Variants in NLGN4X observed in about 807,000 individuals in gnomAD.
The protein encoded by NLGN4X is neuroligin-4, X-linked.
In NLGN4X, 3 loss-of-function variants were observed where a neutral mutation model predicts 40.3. That is an observed-to-expected ratio of 0.07 (90% CI 0.03 to 0.19). The LOEUF is 0.19. Among genes scored for constraint, NLGN4X ranks in the 10% least tolerant of loss-of-function variants. NLGN4X has a pLI of 1.00. For synonymous variants in NLGN4X, 270 were observed against 306.8 expected (o/e 0.88, Z 1.25); for missense variants, 382 against 708.3 (o/e 0.54, Z 5.23).
intron 1 of NLGN4X, among the ~76,000 whole-genome samples, chrX:6,168,155 T>G (rs1038456323): frequency 1.8e-5 from 2 of 112,103 alleles, no homozygotes; most frequent in Non-Finnish European, 1.9e-5. Context: ...TTCCCCCACG[T>G]TTAATTATCC....
At chrX:5,905,334 C>T (rs967304885) in intron 4 of NLGN4X, among the ~76,000 whole-genome samples, 2 of 111,888 alleles carry the variant, frequency 1.8e-5, no homozygotes, top group Non-Finnish European at 3.8e-5. Context: ...ACTTTAAACA[C>T]AACTCACCTT....
At chrX:5,966,693 G>C (rs920254612) in intron 3 of NLGN4X, among the ~76,000 whole-genome samples, 1 of 112,040 alleles carries the variant, frequency 8.9e-6, no homozygotes, top group African/African-American at 3.2e-5. Flanking sequence ...AATCTTGAGG[G>C]AGATACAAGC....
chrX:6,024,593 G>A (rs779951416), intron 3 of NLGN4X, among the ~76,000 whole-genome samples: 42 of 110,353 alleles, frequency 3.8e-4, no homozygotes, highest in African/African-American at 1.4e-3. Context: ...AAAAACAGCC[G>A]AAACCCACCA....
In NLGN4X at chrX:6,011,736, T is replaced by G. The variant is rs185348696; in HGVS notation, c.625+17544A>C. Among the ~76,000 whole-genome samples, 46 of 111,418 alleles carry G rather than the reference T, an allele frequency of 4.1e-4. 1 individual carries two copies. The Admixed American group carries it at 4.2e-3, about 10-fold the overall frequency. ...ACCATCTTCTGGAGAACACCTGACT[T>G]GTTTGAACGTTATGTAATCGTTACT... On this transcript the variant is annotated intron_variant, in intron 3 of 5. Coordinates refer to ENST00000381095, the MANE Select transcript of NLGN4X (RefSeq NM_181332.3).
At chrX:6,205,201 T>TAA (rs1266771834) in intron 1 of NLGN4X, among the ~76,000 whole-genome samples, 6 of 112,374 alleles carry the variant, frequency 5.3e-5, no homozygotes, top group African/African-American at 1.9e-4. Flanking sequence ...TCTCATATTC[T>TAA]CCTAGCCCCA....
rs529573810 is a variant in NLGN4X at position 5,968,457 on chromosome X, CTGTGTGTG to C, written c.626-59226_626-59219del. 3.3e-3 allele frequency among the ~76,000 whole-genome samples: 154 copies of C among 47,016 alleles called. 6 individuals are homozygous for C. The highest frequency in any genetic ancestry group is 0.029 in the Middle Eastern group (3 of 102). 40.8% of individuals were successfully genotyped at this position (47,016 alleles called of 115,157 possible). Reference sequence around the variant, plus strand: ...AGTACCCCTCTCTCTCTCTCTCTCTCTGTGTGTGTGTGTGTGTGTGTGTGTGTGTGTGT... The same window carrying C: ...AGTACCCCTCTCTCTCTCTCTCTCTCTGTGTGTGTGTGTGTGTGTGTGTGT... On this transcript the variant is annotated intron_variant, in intron 3 of 5. Transcript: ENST00000381095.
chrX:6,159,683 G>A (rs1051656614), intron 1 of NLGN4X, among the ~76,000 whole-genome samples: 2 of 111,483 alleles, frequency 1.8e-5, no homozygotes, highest in African/African-American at 3.3e-5. Context: ...AAGTGCCCTC[G>A]CCATCAACTC....
At chrX:6,093,433 G>A (rs1399319596) in intron 2 of NLGN4X, among the ~76,000 whole-genome samples, 1 of 111,979 alleles carries the variant, frequency 8.9e-6, no homozygotes, top group Non-Finnish European at 1.9e-5. Context: ...ACAACTGCAA[G>A]CTTTTCTTGA....
At chrX:6,012,215 T>C (rs1181591004) in intron 3 of NLGN4X, among the ~76,000 whole-genome samples, 2 of 112,606 alleles carry the variant, frequency 1.8e-5, no homozygotes, top group Non-Finnish European at 3.7e-5. Flanking sequence ...AAGTGTGAAA[T>C]ATAGCTTTGC....
chrX:6,155,626 C>T (rs761823060), intron 1 of NLGN4X, among the ~76,000 whole-genome samples: 7 of 111,906 alleles, frequency 6.3e-5, no homozygotes, highest in Non-Finnish European at 1.3e-4. Context: ...CACCAGCAAT[C>T]TGCCACTTTG....
intron 1 of NLGN4X, among the ~76,000 whole-genome samples, chrX:6,193,448 C>T (rs1922754326): frequency 1.9e-5 from 2 of 103,842 alleles, no homozygotes; most frequent in South Asian, 4.3e-4. Context: ...TCCCTGGAAA[C>T]CTACTTGATT....
At chrX:6,218,906 A>T (rs1381368755) in intron 1 of NLGN4X, among the ~76,000 whole-genome samples, 2 of 107,999 alleles carry the variant, frequency 1.9e-5, no homozygotes, top group Non-Finnish European at 3.8e-5. Flanking sequence ...TCAGGATATA[A>T]TTGAAGAGAG....
chrX:5,934,043 TTCCCCCATGAACCCAACTTCC>T (rs2033651254), intron 3 of NLGN4X, among the ~76,000 whole-genome samples: 1 of 111,687 alleles, frequency 9.0e-6, no homozygotes, highest in Non-Finnish European at 1.9e-5. Flanking sequence ...TTGACCAAAA[TTCCCCCATGAACCCAACTTCC>T]AGTCCCTGAC....
intron 2 of NLGN4X, among the ~76,000 whole-genome samples, chrX:6,128,401 T>C (rs1054221396): frequency 1.8e-5 from 2 of 111,927 alleles, no homozygotes; most frequent in Non-Finnish European, 3.8e-5. Flanking sequence ...AAAAACGATA[T>C]GATGAAAATG....
chrX:5,953,161 G>A (rs1195111396), intron 3 of NLGN4X, among the ~76,000 whole-genome samples: 2 of 110,469 alleles, frequency 1.8e-5, no homozygotes, highest in East Asian at 2.8e-4. Flanking sequence ...ATTTGAGCTC[G>A]GGAGTTTGAG....
intron 3 of NLGN4X, among the ~76,000 whole-genome samples, chrX:5,924,303 T>C (rs998767396): frequency 1.2e-4 from 13 of 110,912 alleles, no homozygotes; most frequent in African/African-American, 4.3e-4. Context: ...ACATATTGTG[T>C]TTTACAAAAT....
chrX:5,918,687 TC>T (rs1329067674), intron 3 of NLGN4X, among the ~76,000 whole-genome samples: 1 of 112,392 alleles, frequency 8.9e-6, no homozygotes, highest in Non-Finnish European at 1.9e-5. Flanking sequence ...TTAAGGTTTT[TC>T]TTTTCTTTTT....
intron 3 of NLGN4X, among the ~76,000 whole-genome samples, chrX:6,002,649 T>G (rs2036000246): frequency 9.0e-6 from 1 of 111,425 alleles, no homozygotes; most frequent in Admixed American, 9.5e-5. Flanking sequence ...AGAGAGCGGG[T>G]TCCCGGTAAG....
chrX:6,014,831 C>T (rs750926594), intron 3 of NLGN4X, among the ~76,000 whole-genome samples: 17 of 111,825 alleles, frequency 1.5e-4, no homozygotes, highest in African/African-American at 3.6e-4. Flanking sequence ...TAAAATGTGG[C>T]TCATGCTGAC....
Sources: gnomAD v4.1 joint callset for allele counts (sites outside exome capture counted in the v4.1 genomes callset) on GRCh38, gnomAD v4.1.1 for gene constraint, MANE v1.5 for transcripts, NCBI Gene and HGNC (gene_info 2026-07-23, HGNC 2026-07-21) for gene names.